The following ZDHHC14 variants were observed in gnomAD, a reference collection of about 807,000 sequenced individuals.
The protein encoded by ZDHHC14 is palmitoyltransferase ZDHHC14.
ZDHHC14 carries 16 observed loss-of-function variants against 47.7 expected under a neutral mutation model. The ratio of observed to expected loss-of-function variants is 0.34; its 90% confidence interval spans 0.23 to 0.51. ZDHHC14 has a LOEUF of 0.51. ZDHHC14 is among the 20% of genes least tolerant of loss of function. The probability of loss-of-function intolerance (pLI) is 0.97; values close to 1 mark genes in which losing one functional copy is unlikely to be tolerated. For missense variants in ZDHHC14, 515 were observed against 662.5 expected (o/e 0.78, Z 2.44); for synonymous variants, 293 against 278.9 (o/e 1.05, Z -0.50).
chr6:157,522,883 TCC>T lies in ZDHHC14; in HGVS notation c.246-19701_246-19700del, dbSNP rs1414645475. Reference sequence around the variant, plus strand: ...CTTCTTCCCTTGCTCCCTCCCATCTTCCTACCATCCTTCCTTCCTTCCTTCCT... The same window carrying T: ...CTTCTTCCCTTGCTCCCTCCCATCTTTACCATCCTTCCTTCCTTCCTTCCT... On this transcript the variant is annotated intron_variant, in intron 1 of 8. Transcript: ENST00000359775. Among the ~76,000 whole-genome samples, 33 of 47,262 alleles carry T rather than the reference TCC, an allele frequency of 7.0e-4. 4 individuals carry two copies. The highest frequency in any genetic ancestry group is 2.3e-3 in the African/African-American group (17 of 7,364). The allele number at this position is 47,262 out of a possible 152,430, so 31.0% of individuals were successfully genotyped here. A position where few individuals can be genotyped will look rare whatever the true frequency, so the allele number is the denominator to read the frequency against.
Position 157,381,992 on chromosome 6 carries a change from G to GT in ZDHHC14, c.-29dup. Reference sequence around the variant, plus strand: ...CCGCGCGGCCGGGGGGCTCCTGGGGGTGTGCGCCCCCAGCCGGCTGCCCTC... The same window carrying GT: ...CCGCGCGGCCGGGGGGCTCCTGGGGGTTGTGCGCCCCCAGCCGGCTGCCCTC... On this transcript the variant is annotated 5_prime_UTR_variant, in exon 1 of 9. Coordinates refer to ENST00000359775, the MANE Select transcript of ZDHHC14 (RefSeq NM_024630.3). 1 of 1,317,930 alleles carries GT rather than the reference G, an allele frequency of 7.6e-7. No homozygotes were observed. Among genetic ancestry groups the GT allele is most frequent in the South Asian group, 1.8e-5 (1 of 54,458 alleles). 81.6% of individuals were successfully genotyped at this position (1,317,930 alleles called of 1,614,324 possible).
chr6:157,645,553 G>A (rs1777487124), intron 5 of ZDHHC14, among the ~76,000 whole-genome samples, 184 bp from the exon 6 acceptor site: 1 of 152,230 alleles, frequency 6.6e-6, no homozygotes, highest in African/African-American at 2.4e-5. Flanking sequence ...CCCCTGCCCT[G>A]ACGGAGGCCT....
chr6:157,408,527 A>C (rs147636068), intron 1 of ZDHHC14, among the ~76,000 whole-genome samples: 2 of 152,136 alleles, frequency 1.3e-5, no homozygotes, highest in East Asian at 3.9e-4. Context: ...TTCAGCTCCC[A>C]CTTCTAAGTG....
At chr6:157,579,930 A>G (rs1783453798) in intron 2 of ZDHHC14, among the ~76,000 whole-genome samples, 1 of 152,170 alleles carries the variant, frequency 6.6e-6, no homozygotes, top group Admixed American at 6.5e-5. Context: ...TATGTTGAAT[A>G]GGAGTGGTAA....
chr6:157,647,296 ATT>A lies in ZDHHC14; in HGVS notation c.894_895del (p.Asn298LysfsTer57), dbSNP rs761915167. ...TGGTCAAATAAAAGAGGTAAAGAAA[ATT>A]ACAATCCCTACAGCTACGGAAATAT... is the stretch of plus-strand genomic sequence containing the variant. On this transcript the variant is annotated frameshift_variant, in exon 7 of 9. Coordinates refer to ENST00000359775, the MANE Select transcript of ZDHHC14 (RefSeq NM_024630.3). LOFTEE classifies it high-confidence loss of function. 6.2e-7 allele frequency: 1 copy of A among 1,614,188 alleles called. No individual in the cohort carries two copies. The highest frequency in any genetic ancestry group is 8.5e-7 in the Non-Finnish European group (1 of 1,180,040).
intron 1 of ZDHHC14, among the ~76,000 whole-genome samples, chr6:157,527,394 C>T (rs1781195860): frequency 6.6e-6 from 1 of 152,194 alleles, no homozygotes; most frequent in Admixed American, 6.5e-5. Flanking sequence ...TATTTTCCCA[C>T]CCAGATTTTC....
chr6:157,395,248 CCTG>C (rs1158794057), intron 1 of ZDHHC14, among the ~76,000 whole-genome samples: 1 of 151,618 alleles, frequency 6.6e-6, no homozygotes, highest in Non-Finnish European at 1.5e-5. Context: ...ACAGCCGTGA[CCTG>C]CTGGGCTCAA....
intron 2 of ZDHHC14, among the ~76,000 whole-genome samples, chr6:157,590,316 G>T (rs1160713726): frequency 6.6e-6 from 1 of 152,224 alleles, no homozygotes; most frequent in East Asian, 1.9e-4. Context: ...CTTCATGGCA[G>T]CCCCTCCCAT....
At chr6:157,624,267 C>T (rs919887991) in intron 3 of ZDHHC14, among the ~76,000 whole-genome samples, 2 of 152,228 alleles carry the variant, frequency 1.3e-5, no homozygotes, top group African/African-American at 4.8e-5. Context: ...CCTCTGAGCG[C>T]ATTCAGAGCT....
intron 2 of ZDHHC14, among the ~76,000 whole-genome samples, chr6:157,563,139 T>G (rs1030342473): frequency 2.0e-5 from 3 of 151,870 alleles, no homozygotes; most frequent in African/African-American, 7.3e-5. Context: ...TAAGGCAGAG[T>G]CCTTGCTCCC....
chr6:157,396,850 GA>G (rs766382216), intron 1 of ZDHHC14, among the ~76,000 whole-genome samples: 49 of 152,158 alleles, frequency 3.2e-4, no homozygotes, highest in Non-Finnish European at 5.4e-4. Flanking sequence ...TCTTTGGCTA[GA>G]AAAAAATAAA....
chr6:157,394,475 G>A (rs894559811), intron 1 of ZDHHC14, among the ~76,000 whole-genome samples: 8 of 152,144 alleles, frequency 5.3e-5, no homozygotes, highest in African/African-American at 1.4e-4. Context: ...CTGAGCTGCC[G>A]TACAAGAAGT....
chr6:157,626,926 C>T, intron 3 of ZDHHC14, among the ~76,000 whole-genome samples: 1 of 149,658 alleles, frequency 6.7e-6, no homozygotes, highest in Middle Eastern at 3.5e-3. Context: ...CACATGTTAA[C>T]ATGTAACTCA....
intron 5 of ZDHHC14, among the ~76,000 whole-genome samples, chr6:157,638,316 T>C (rs1308354672): frequency 6.6e-6 from 1 of 152,176 alleles, no homozygotes; most frequent in African/African-American, 2.4e-5. Flanking sequence ...CTCCTACTCC[T>C]TCCTTCCCAC....
intron 7 of ZDHHC14, among the ~76,000 whole-genome samples, chr6:157,648,975 C>T (rs1777691094): frequency 6.6e-6 from 1 of 152,190 alleles, no homozygotes; most frequent in South Asian, 2.1e-4. Flanking sequence ...TTCCTGAGTC[C>T]TTCATCTGCA....
At chr6:157,611,978 C>G (rs540354845) in intron 3 of ZDHHC14, among the ~76,000 whole-genome samples, 1 of 152,302 alleles carries the variant, frequency 6.6e-6, no homozygotes, top group African/African-American at 2.4e-5. Flanking sequence ...GCATATGCAG[C>G]TTCCCGCTGG....
intron 8 of ZDHHC14, among the ~76,000 whole-genome samples, chr6:157,664,909 A>G (rs1445357076): frequency 6.6e-6 from 1 of 152,126 alleles, no homozygotes; most frequent in Non-Finnish European, 1.5e-5. Context: ...ACGGACCAGA[A>G]CGGCATCCTC....
chr6:157,522,856 C>T (rs1255441393), intron 1 of ZDHHC14, among the ~76,000 whole-genome samples: 1,467 of 37,516 alleles, frequency 0.039, 40 homozygotes, highest in African/African-American at 0.052. Context: ...TTCCTTTCCT[C>T]CCTTCTTCCC....
At chr6:157,469,642 G>A (rs1779308506) in intron 1 of ZDHHC14, among the ~76,000 whole-genome samples, 2 of 152,170 alleles carry the variant, frequency 1.3e-5, no homozygotes, top group Admixed American at 1.3e-4. Context: ...CTGATGGAAC[G>A]ATCATGTCAA....
Sources: allele counts gnomAD v4.1 joint callset (sites outside exome capture counted in the v4.1 genomes callset), GRCh38; gene constraint gnomAD v4.1.1; transcripts MANE v1.5; gene names NCBI Gene and HGNC (gene_info 2026-07-23, HGNC 2026-07-21).